Variants in LINC00632 observed in about 807,000 individuals in gnomAD.
LINC00632 encodes the protein ALDOA related specific transcript.
exon 5 of LINC00632, among the ~76,000 whole-genome samples, chrX:140,777,782 TA>T (rs1479523272): frequency 8.9e-6 from 1 of 112,466 alleles, no homozygotes; most frequent in African/African-American, 3.2e-5. Flanking sequence ...AATGAGAGAA[TA>T]AGACCACTTG....
chrX:140,772,516 T>C (rs1282372007), exon 4 of LINC00632: 3 of 288,911 alleles, frequency 1.0e-5, no homozygotes, highest in Non-Finnish European at 1.8e-5. Flanking sequence ...AGGAGAGGGA[T>C]GATAGAGATG....
chrX:140,748,901 A>T (rs1390866211), intron 3 of LINC00632, among the ~76,000 whole-genome samples: 3 of 106,903 alleles, frequency 2.8e-5, no homozygotes, highest in Non-Finnish European at 5.8e-5. Context: ...TAAAATATAT[A>T]TATTTTATAA....
chrX:140,782,220 C>T (rs189587421), exon 5 of LINC00632, among the ~76,000 whole-genome samples: 77 of 111,953 alleles, frequency 6.9e-4, no homozygotes, highest in Middle Eastern at 4.6e-3. Flanking sequence ...CCCTAATACA[C>T]AACTCTTTGA....
intron 3 of LINC00632, among the ~76,000 whole-genome samples, chrX:140,766,116 C>T (rs971247092): frequency 8.9e-6 from 1 of 111,794 alleles, no homozygotes; most frequent in Admixed American, 9.5e-5. Flanking sequence ...GTGGGCAGAA[C>T]GGTCATTGTC....
At chrX:140,779,750 G>A (rs1931910794) in exon 5 of LINC00632, among the ~76,000 whole-genome samples, 1 of 112,082 alleles carries the variant, frequency 8.9e-6, no homozygotes, top group South Asian at 3.7e-4. Context: ...GCATTGCTAC[G>A]TAAAGCCAAA....
At chrX:140,757,993 G>A (rs1383359303) in intron 3 of LINC00632, among the ~76,000 whole-genome samples, 1 of 111,575 alleles carries the variant, frequency 9.0e-6, no homozygotes, top group Non-Finnish European at 1.9e-5. Context: ...TTAGGGTTGT[G>A]TTATTTTATA....
chrX:140,717,624 T>G (rs1310640661), intron 2 of LINC00632, among the ~76,000 whole-genome samples: 1 of 111,216 alleles, frequency 9.0e-6, no homozygotes, highest in Non-Finnish European at 1.9e-5. Context: ...AAGACTAGCC[T>G]CAACTCATCT....
chrX:140,764,070 C>T (rs1931642958), intron 3 of LINC00632, among the ~76,000 whole-genome samples: 1 of 110,487 alleles, frequency 9.1e-6, no homozygotes, highest in African/African-American at 3.3e-5. Context: ...GGCAGCAATT[C>T]GTAGGGCCTG....
intron 3 of LINC00632, among the ~76,000 whole-genome samples, chrX:140,748,302 T>G (rs1231374848): frequency 4.3e-4 from 48 of 112,352 alleles, no homozygotes; most frequent in Non-Finnish European, 3.2e-4. Flanking sequence ...TTTGTTAAAG[T>G]GATGAGGTTA....
chrX:140,714,058 C>T, intron 2 of LINC00632: 1 of 232,569 alleles, frequency 4.3e-6, no homozygotes, highest in Non-Finnish European at 8.0e-6. Flanking sequence ...CAGACTCTCC[C>T]CAGGGCACAC....
chrX:140,787,009 G>A (rs1485554564), exon 5 of LINC00632, among the ~76,000 whole-genome samples: 1 of 111,458 alleles, frequency 9.0e-6, no homozygotes, highest in Admixed American at 9.6e-5. Flanking sequence ...GTTGCATTAT[G>A]TATGATTTTA....
At chrX:140,726,976 T>C (rs1930974599) in intron 2 of LINC00632, among the ~76,000 whole-genome samples, 1 of 111,513 alleles carries the variant, frequency 9.0e-6, no homozygotes, top group Admixed American at 9.6e-5. Context: ...CCACTCTGTA[T>C]GGAGTTCTAC....
chrX:140,729,576 C>T (rs899494731), intron 2 of LINC00632, among the ~76,000 whole-genome samples: 1 of 110,918 alleles, frequency 9.0e-6, no homozygotes, highest in Non-Finnish European at 1.9e-5. Context: ...CCTGGACATG[C>T]CCTACAATGT....
chrX:140,752,485 G>C (rs1309279592), intron 3 of LINC00632, among the ~76,000 whole-genome samples: 1 of 111,759 alleles, frequency 8.9e-6, no homozygotes, highest in African/African-American at 3.3e-5. Flanking sequence ...AGATTCCCTG[G>C]CTTTCTCTGT....
chrX:140,716,079 C>T (rs1375527981), intron 2 of LINC00632: 3 of 112,239 alleles, frequency 2.7e-5, no homozygotes, highest in African/African-American at 9.7e-5. Flanking sequence ...AAACATTTCC[C>T]AGTCGGCTAG....
intron 2 of LINC00632, among the ~76,000 whole-genome samples, chrX:140,724,056 C>T (rs957542549): frequency 1.4e-5 from 1 of 72,894 alleles, no homozygotes; most frequent in Non-Finnish European, 2.8e-5. Flanking sequence ...TCTGTATGCA[C>T]ACACACACAT....
intron 2 of LINC00632, chrX:140,713,846 G>A: frequency 3.3e-6 from 1 of 306,114 alleles, no homozygotes; most frequent in Non-Finnish European, 6.4e-6. Flanking sequence ...CCCCCCATAA[G>A]GACTCTACTA....
At chrX:140,764,581 C>T (rs1931653736) in intron 3 of LINC00632, 1 of 112,315 alleles carries the variant, frequency 8.9e-6, no homozygotes, top group African/African-American at 3.2e-5. Flanking sequence ...CGGGTGACAA[C>T]GTGGCACAGA....
rs1404469425 is a variant in LINC00632 at position 140,759,163 on chromosome X, G to T, written n.192-12915G>T. On this transcript the variant is annotated intron_variant and non_coding_transcript_variant, in intron 3 of 4. Coordinates refer to ENST00000648200, the Ensembl canonical transcript of LINC00632. ...ATTTTTTTTTTTTTTAAGTAGAGAT[G>T]GGGTTTCTCCATGTTGGTCAGGCTG... Among the ~76,000 whole-genome samples, 18 of 104,133 alleles carry T rather than the reference G, an allele frequency of 1.7e-4. No homozygotes were observed. In the East Asian group the frequency reaches 5.5e-3, roughly 32 times the overall value. 90.4% of individuals were successfully genotyped at this position (104,133 alleles called of 115,157 possible).
Sources: gnomAD v4.1 joint callset for allele counts (sites outside exome capture counted in the v4.1 genomes callset) on GRCh38, gnomAD v4.1.1 for gene constraint, MANE v1.5 for transcripts, NCBI Gene and HGNC (gene_info 2026-07-23, HGNC 2026-07-21) for gene names.